DMRTC1B: variants seen among roughly 807,000 people sequenced by gnomAD.
DMRTC1B encodes DMRT like family C1B.
chrX:72,820,307 A>G (rs1439394456), intron 1 of DMRTC1B, among the ~76,000 whole-genome samples: 1 of 61,400 alleles, frequency 1.6e-5, no homozygotes, highest in Admixed American at 2.1e-4. Context: ...CTCTTGATCA[A>G]TCTGGCTTAC....
intron 1 of DMRTC1B, among the ~76,000 whole-genome samples, chrX:72,815,655 T>G (rs1477397497): frequency 1.9e-5 from 2 of 104,002 alleles, no homozygotes; most frequent in Non-Finnish European, 3.9e-5. Context: ...TGCAGTGCTA[T>G]TGTTACGCAT....
At chrX:72,815,757 TA>T (rs1431307740) in intron 1 of DMRTC1B, among the ~76,000 whole-genome samples, 1 of 63,468 alleles carries the variant, frequency 1.6e-5, no homozygotes, top group Non-Finnish European at 2.8e-5. Flanking sequence ...TTTATATATA[TA>T]TTTTTTTAAA....
intron 1 of DMRTC1B, among the ~76,000 whole-genome samples, chrX:72,807,079 G>A (rs1404122153): frequency 4.3e-5 from 2 of 46,703 alleles, no homozygotes; most frequent in Non-Finnish European, 4.3e-5. Context: ...TATAAACACC[G>A]CCCAGTTTTC....
chrX:72,807,574 C>A, intron 1 of DMRTC1B: 1 of 943,648 alleles, frequency 1.1e-6, no homozygotes, highest in Non-Finnish European at 1.4e-6. Context: ...CGGTATCCTC[C>A]CCTAGGGAGG....
chrX:72,820,587 G>A (rs1427803221), intron 1 of DMRTC1B, among the ~76,000 whole-genome samples: 1 of 97,044 alleles, frequency 1.0e-5, no homozygotes, highest in East Asian at 3.6e-4. Flanking sequence ...GCGCAATCTC[G>A]GCCCACTGCA....
At chrX:72,804,898 A>G (rs1403317108) in intron 1 of DMRTC1B, among the ~76,000 whole-genome samples, 1 of 104,564 alleles carries the variant, frequency 9.6e-6, no homozygotes, top group African/African-American at 3.5e-5. Context: ...TACTTTACCG[A>G]CCTACCTGAG....
At chrX:72,840,139 AAAAG>A (rs1390701127) in intron 1 of DMRTC1B, among the ~76,000 whole-genome samples, 783 of 47,108 alleles carry the variant, frequency 0.017, 42 homozygotes, top group African/African-American at 0.15. Context: ...AAAAAAAAAA[AAAAG>A]AAAGAAAGAA....
At chrX:72,807,286 C>T in intron 1 of DMRTC1B, 1 of 331,759 alleles carries the variant, frequency 3.0e-6, no homozygotes, top group South Asian at 5.4e-5. Flanking sequence ...AGCAGCGCTG[C>T]CTCGAGGAGG....
intron 1 of DMRTC1B, among the ~76,000 whole-genome samples, chrX:72,792,471 G>A (rs1308809217): frequency 1.8e-5 from 2 of 113,653 alleles, no homozygotes; most frequent in Non-Finnish European, 1.9e-5. Flanking sequence ...CAGAAGAGCA[G>A]GTTCCCTGGG....
intron 1 of DMRTC1B, among the ~76,000 whole-genome samples, chrX:72,839,295 A>G (rs2054717196): frequency 9.0e-6 from 1 of 111,118 alleles, no homozygotes; most frequent in Admixed American, 9.3e-5. Context: ...CTTGGATAGT[A>G]TTACCCCTTC....
rs1268075908 is a variant in DMRTC1B, at chrX:72,807,563, C to T, written c.-95+30315C>T. On this transcript the variant is annotated intron_variant, in intron 1 of 6. Transcript: ENST00000334036. Reference sequence around the variant, plus strand: ...TCCGGTGGTCTCAGATTCCGAGTGCCCGGTATCCTCCCCTAGGGAGGAAAG... The same window carrying T: ...TCCGGTGGTCTCAGATTCCGAGTGCTCGGTATCCTCCCCTAGGGAGGAAAG... 1.4e-5 allele frequency: 13 copies of T among 935,360 alleles called. 1 individual carries two copies. In the African/African-American group the frequency reaches 3.5e-4, roughly 25 times the overall value. 77.1% of individuals were successfully genotyped at this position (935,360 alleles called of 1,213,427 possible).
intron 1 of DMRTC1B, among the ~76,000 whole-genome samples, chrX:72,802,276 CCCATAGCTCTTATCAATGCAA>C (rs1444124597): frequency 3.5e-5 from 1 of 28,654 alleles, no homozygotes; most frequent in Non-Finnish European, 1.4e-4. Flanking sequence ...ATTTCAGCAG[CCCATAGCTCTTATCAATGCAA>C]CCTCTCAGGC....
At position 72,820,305 on chromosome X, in the gene DMRTC1B, C is replaced by T. The variant is rs1237830657; in HGVS notation, c.-94-24737C>T. On this transcript the variant is annotated intron_variant, in intron 1 of 6. Transcript: ENST00000334036. ...AGAACCTCCTCACTTTTCTCTTGAT[C>T]AATCTGGCTTACAGTTTGTCAATTT... is the stretch of plus-strand genomic sequence containing the variant. Among the ~76,000 whole-genome samples the T allele has an allele frequency of 8.1e-5, 5 of 61,811 alleles. No homozygotes were observed. The East Asian group carries it at 2.6e-3, about 32-fold the overall frequency. 53.7% of individuals were successfully genotyped at this position (61,811 alleles called of 115,157 possible). A position where few individuals can be genotyped will look rare whatever the true frequency, so the allele number is the denominator to read the frequency against.
intron 1 of DMRTC1B, among the ~76,000 whole-genome samples, chrX:72,817,794 G>T (rs1293630024): frequency 2.5e-4 from 1 of 3,965 alleles, no homozygotes; most frequent in African/African-American, 3.2e-4. Flanking sequence ...TGGTGAATTC[G>T]GTTTGTGAGT....
At position 72,807,564 on chromosome X, in the gene DMRTC1B, C is replaced by G; in HGVS notation, c.-95+30316C>G. On this transcript the variant is annotated intron_variant, in intron 1 of 6. Coordinates refer to ENST00000334036, the MANE Select transcript of DMRTC1B (RefSeq NM_001386972.1). ...CCGGTGGTCTCAGATTCCGAGTGCC[C>G]GGTATCCTCCCCTAGGGAGGAAAGC... 3 of 937,805 alleles carry G rather than the reference C, an allele frequency of 3.2e-6. 1 individual carries two copies. The highest frequency in any genetic ancestry group is 3.0e-5 in the Admixed American group (1 of 33,450). The allele number at this position is 937,805 out of a possible 1,213,427, so 77.3% of individuals were successfully genotyped here.
intron 1 of DMRTC1B, among the ~76,000 whole-genome samples, chrX:72,840,131 AAAAAAAAAAAAG>A (rs1488133853): frequency 5.9e-5 from 4 of 67,303 alleles, no homozygotes; most frequent in East Asian, 6.7e-4. Context: ...CCGTCAAAAA[AAAAAAAAAAAAG>A]AAAGAAAGAA....
chrX:72,820,490 G>A (rs868987886), intron 1 of DMRTC1B, among the ~76,000 whole-genome samples: 21 of 111,022 alleles, frequency 1.9e-4, no homozygotes, highest in Middle Eastern at 4.8e-3. Context: ...AATGCGGAGG[G>A]TAAGGTTATT....
At chrX:72,820,775 C>T (rs1211654373) in intron 1 of DMRTC1B, among the ~76,000 whole-genome samples, 1 of 74,309 alleles carries the variant, frequency 1.3e-5, no homozygotes, top group African/African-American at 5.1e-5. Context: ...GCCTCGGCCT[C>T]CCAACCGAGA....
At chrX:72,804,433 T>C (rs1359265688) in intron 1 of DMRTC1B, among the ~76,000 whole-genome samples, 6 of 69,805 alleles carry the variant, frequency 8.6e-5, no homozygotes, top group African/African-American at 1.8e-4. Context: ...GCATGGGCTG[T>C]AACTCACAGT....
Sources: allele counts gnomAD v4.1 joint callset (sites outside exome capture counted in the v4.1 genomes callset), GRCh38; gene constraint gnomAD v4.1.1; transcripts MANE v1.5; gene names NCBI Gene and HGNC (gene_info 2026-07-23, HGNC 2026-07-21).